The following CCDC148 variants were observed in gnomAD, a reference collection of about 807,000 sequenced individuals.
The protein encoded by CCDC148 is coiled-coil domain containing 148.
CCDC148 carries 89 observed loss-of-function variants against 85.7 expected under a neutral mutation model. That is an observed-to-expected ratio of 1.04 (90% CI 0.87 to 1.24). The LOEUF (loss-of-function observed/expected upper bound fraction) is 1.24. CCDC148 is among the 50% of genes most tolerant of loss of function. The pLI is 0.00. For missense variants in CCDC148, 692 were observed against 671.7 expected (o/e 1.03, Z -0.33); for synonymous variants, 230 against 213.9 (o/e 1.08, Z -0.66).
At chr2:158,400,093 T>C (rs531228129) in intron 1 of CCDC148, among the ~76,000 whole-genome samples, 9 of 152,180 alleles carry the variant, frequency 5.9e-5, no homozygotes, top group Non-Finnish European at 1.2e-4. Flanking sequence ...TCCATGTCCA[T>C]GGATAGGAAG....
At position 158,296,249 on chromosome 2, in the gene CCDC148, C is replaced by T. The variant is rs72997347; in HGVS notation, c.1110+13184G>A. Among the ~76,000 whole-genome samples the T allele has an allele frequency of 5.8e-3, 889 of 152,210 alleles. 12 individuals are homozygous for T. The highest frequency in any genetic ancestry group is 0.02 in the African/African-American group (840 of 41,534). ...ATCCATTTTGAGTTCATTTTACATACGGTAGAAGTATGTATTAAGGCTCAC... is the reference window on the plus strand; with the variant it reads ...ATCCATTTTGAGTTCATTTTACATATGGTAGAAGTATGTATTAAGGCTCAC... On this transcript the variant is annotated intron_variant, in intron 9 of 13. Coordinates refer to ENST00000283233, the MANE Select transcript of CCDC148 (RefSeq NM_138803.4).
At chr2:158,307,752 T>C (rs1266952527) in intron 9 of CCDC148, among the ~76,000 whole-genome samples, 1 of 152,194 alleles carries the variant, frequency 6.6e-6, no homozygotes, top group Non-Finnish European at 1.5e-5. Context: ...ATGAAACAGA[T>C]ATGATGAATC....
intron 11 of CCDC148, among the ~76,000 whole-genome samples, chr2:158,205,977 T>C (rs1238034164): frequency 6.6e-6 from 1 of 152,106 alleles, no homozygotes; most frequent in Non-Finnish European, 1.5e-5. Flanking sequence ...CAAGTTGTAA[T>C]TTTTCTTTTA....
intron 1 of CCDC148, among the ~76,000 whole-genome samples, chr2:158,434,787 C>G (rs1265169091): frequency 6.6e-6 from 1 of 152,146 alleles, no homozygotes; most frequent in East Asian, 1.9e-4. Flanking sequence ...CTTAAATGAC[C>G]TGATGGAGCT....
chr2:158,422,015 T>C (rs1686819472), intron 1 of CCDC148, among the ~76,000 whole-genome samples: 1 of 152,192 alleles, frequency 6.6e-6, no homozygotes, highest in South Asian at 2.1e-4. Context: ...CCTGGACACA[T>C]ACAACCTCCG....
At chr2:158,453,563 A>G (rs1263125756) in intron 1 of CCDC148, among the ~76,000 whole-genome samples, 1 of 152,112 alleles carries the variant, frequency 6.6e-6, no homozygotes, top group African/African-American at 2.4e-5. Context: ...GTATTGGCGT[A>G]CTTTTTGAAG....
At chr2:158,370,864 A>T (rs543229777) in intron 1 of CCDC148, among the ~76,000 whole-genome samples, 1 of 151,878 alleles carries the variant, frequency 6.6e-6, no homozygotes, top group Admixed American at 6.6e-5. Flanking sequence ...CTGTAAAAAA[A>T]AAAAACTACC....
intron 10 of CCDC148, among the ~76,000 whole-genome samples, chr2:158,223,868 G>GA (rs1002557086): frequency 6.6e-6 from 1 of 152,150 alleles, no homozygotes; most frequent in Non-Finnish European, 1.5e-5. Context: ...CAAAGATGGG[G>GA]AAAAAACAGA....
chr2:158,433,372 A>C (rs945416349), intron 1 of CCDC148, among the ~76,000 whole-genome samples: 1 of 151,752 alleles, frequency 6.6e-6, no homozygotes, highest in Non-Finnish European at 1.5e-5. Context: ...CTCAAGTTGC[A>C]AACAAAATAC....
At chr2:158,415,308 C>G (rs1326421671) in intron 1 of CCDC148, among the ~76,000 whole-genome samples, 1 of 152,018 alleles carries the variant, frequency 6.6e-6, no homozygotes, top group Non-Finnish European at 1.5e-5. Context: ...TTTAAACAAC[C>G]AGCTCTCTTA....
chr2:158,415,588 A>G (rs761215631), intron 1 of CCDC148, among the ~76,000 whole-genome samples: 5 of 152,190 alleles, frequency 3.3e-5, no homozygotes, highest in Non-Finnish European at 7.3e-5. Flanking sequence ...CCAAAGTCTC[A>G]TCTGAGACAA....
At chr2:158,438,722 C>T (rs1169659592) in intron 1 of CCDC148, among the ~76,000 whole-genome samples, 1 of 152,192 alleles carries the variant, frequency 6.6e-6, no homozygotes, top group African/African-American at 2.4e-5. Flanking sequence ...TTGCAATCTA[C>T]TCATCTGACG....
chr2:158,192,068 G>A (rs1685448807), intron 11 of CCDC148, among the ~76,000 whole-genome samples: 1 of 151,984 alleles, frequency 6.6e-6, no homozygotes, highest in Admixed American at 6.6e-5. Flanking sequence ...CAACTTTACT[G>A]GAAAAGATAA....
At chr2:158,434,276 A>G (rs971969236) in intron 1 of CCDC148, among the ~76,000 whole-genome samples, 2 of 152,188 alleles carry the variant, frequency 1.3e-5, no homozygotes, top group Non-Finnish European at 2.9e-5. Flanking sequence ...CGAAGTGTCC[A>G]GAAGAAGGAT....
At chr2:158,206,870 C>T (rs930136847) in intron 11 of CCDC148, among the ~76,000 whole-genome samples, 29 of 152,304 alleles carry the variant, frequency 1.9e-4, no homozygotes, top group African/African-American at 6.7e-4. Flanking sequence ...CAACCTGCCA[C>T]TTGCTCAATG....
chr2:158,255,195 G>A (rs1012386729), intron 9 of CCDC148, among the ~76,000 whole-genome samples: 2 of 151,406 alleles, frequency 1.3e-5, no homozygotes, highest in Non-Finnish European at 3.0e-5. Context: ...AAACTAAATT[G>A]CTTCTACTTA....
At chr2:158,426,600 T>C (rs1045924985) in intron 1 of CCDC148, among the ~76,000 whole-genome samples, 2 of 152,166 alleles carry the variant, frequency 1.3e-5, no homozygotes, top group African/African-American at 2.4e-5. Flanking sequence ...AACTTTGAAT[T>C]TGGCATTCAG....
At chr2:158,278,642 G>C (rs1393204811) in intron 9 of CCDC148, among the ~76,000 whole-genome samples, 3 of 152,244 alleles carry the variant, frequency 2.0e-5, no homozygotes, top group Non-Finnish European at 4.4e-5. Flanking sequence ...ACTGGGTGGA[G>C]CCCACCACAG....
At chr2:158,277,657 CGTGAT>C (rs1690019800) in intron 9 of CCDC148, among the ~76,000 whole-genome samples, 1 of 139,782 alleles carries the variant, frequency 7.2e-6, no homozygotes, top group African/African-American at 2.9e-5. Flanking sequence ...AGTGCAGTGG[CGTGAT>C]CTCGCCTCAC....
Sources: gnomAD v4.1 joint callset for allele counts (sites outside exome capture counted in the v4.1 genomes callset) on GRCh38, gnomAD v4.1.1 for gene constraint, MANE v1.5 for transcripts, NCBI Gene and HGNC (gene_info 2026-07-23, HGNC 2026-07-21) for gene names.